The following NLRP2 variants were observed in gnomAD, a reference collection of about 807,000 sequenced individuals.
The protein encoded by NLRP2 is NACHT, LRR and PYD domains-containing protein 2.
NLRP2 carries 107 observed loss-of-function variants against 97.2 expected under a neutral mutation model. The observed-to-expected ratio is 1.10, with a 90% confidence interval of 0.94 to 1.29. NLRP2 has a LOEUF of 1.29. Among genes scored for constraint, NLRP2 ranks in the 50% most tolerant of loss-of-function variants. The probability of loss-of-function intolerance (pLI) is 0.00; values close to 1 mark genes in which losing one functional copy is unlikely to be tolerated. For missense variants in NLRP2, 1,495 were observed against 1,330.3 expected, an observed-to-expected ratio of 1.12 and a Z score of -1.93; for synonymous variants, 663 against 551.5, an observed-to-expected ratio of 1.20 and a Z score of -2.83.
At chr19:54,976,812 C>CTTT (rs530895836) in intron 3 of NLRP2, 5,285 of 326,492 alleles carry the variant, frequency 0.016, 144 homozygotes, top group East Asian at 0.046. Flanking sequence ...TGTTCTCTCT[C>CTTT]TTTTTTTTTT....
At position 54,982,605 on chromosome 19, in the gene NLRP2, G is replaced by T; in HGVS notation, c.907G>T (p.Asp303Tyr). 6 of 1,614,178 alleles carry T rather than the reference G, an allele frequency of 3.7e-6. No individual in the cohort carries two copies. The highest frequency in any genetic ancestry group is 5.1e-6 in the Non-Finnish European group (6 of 1,180,038). The stretch of plus-strand genomic sequence containing the variant: ...AGCCGCACCTGGGGCGCTGATCGAG[G>T]ACATCTGCGGGGACTGGGAGAAGAA... ...LGAAPGALIE[D>Y]ICGDWEKKKP... The change falls in exon 6 of 13, where the codon GAC (aspartate) becomes TAC (tyrosine). Residue 303 changes from aspartate (D) to tyrosine (Y), a missense_variant. Transcript: ENST00000448584.
intron 7 of NLRP2, among the ~76,000 whole-genome samples, chr19:54,985,436 G>C (rs79266329): frequency 3.3e-5 from 5 of 152,208 alleles, no homozygotes; most frequent in Non-Finnish European, 7.4e-5. Flanking sequence ...CCAACACTTC[G>C]GGAGGCCGAG....
rs1165160519 is a variant in NLRP2, at chr19:54,983,304, C to T, written c.1606C>T (p.Gln536Ter). ...DGHTWDIGDV[Q>*]KLLSGVERLR... is the part of the protein sequence containing the mutation. ...CCACACCTGGGACATTGGGGACGTA[C>T]AGAAGCTGCTTTCCGGAGTAGAAAG... The change falls in exon 6 of 13, where the codon CAG (glutamine) becomes TAG (stop). Residue 536 changes from glutamine (Q) to a stop codon, truncating the protein, a stop_gained. Coordinates refer to ENST00000448584, the MANE Select transcript of NLRP2 (RefSeq NM_017852.5). LOFTEE classifies it high-confidence loss of function. 6.2e-7 allele frequency: 1 copy of T among 1,614,180 alleles called. No individual in the cohort carries two copies. Among genetic ancestry groups the T allele is most frequent in the African/African-American group, 1.3e-5 (1 of 75,054 alleles).
chr19:54,966,315 C>T (rs1185760310), upstream of NLRP2: 3 of 151,480 alleles, frequency 2.0e-5, no homozygotes, highest in African/African-American at 7.3e-5. Context: ...CCCCAAAAGA[C>T]CTCTCAGTAA....
In NLRP2 at chr19:54,982,427, C is replaced by T. The variant is rs141157304; in HGVS notation, c.729C>T (p.Phe243=). 7.7e-5 allele frequency: 124 copies of T among 1,614,158 alleles called. 1 individual carries two copies. The African/African-American group carries it at 1.5e-3, about 20-fold the overall frequency. ...DNLIHKFKYA[F]YLSCRELSRL... is the part of the protein sequence containing the mutation. ...TCATCCACAAATTCAAATATGCGTTCTACCTCAGCTGCAGGGAGCTCAGCC... is the reference window on the plus strand; with the variant it reads ...TCATCCACAAATTCAAATATGCGTTTTACCTCAGCTGCAGGGAGCTCAGCC... The change falls in exon 6 of 13, where the codon TTC becomes TTT. Residue 243 remains phenylalanine, a synonymous_variant. Coordinates refer to ENST00000448584, the MANE Select transcript of NLRP2 (RefSeq NM_017852.5).
intron 11 of NLRP2, among the ~76,000 whole-genome samples, chr19:54,996,037 C>CAAAAAAAAAAAAAAAAAAAAAA (rs544759995): frequency 2.7e-5 from 2 of 73,334 alleles, no homozygotes; most frequent in African/African-American, 5.5e-5. Context: ...GATCCTGTCT[C>CAAAAAAAAAAAAAAAAAAAAAA]AAAAAAAAAA....
chr19:54,989,748 C>T, intron 8 of NLRP2: 2 of 541,996 alleles, frequency 3.7e-6, no homozygotes, highest in East Asian at 3.3e-5. Flanking sequence ...CTCTGGGAGG[C>T]CGAGGTGGGC....
At chr19:55,000,063 A>G (rs2073090350) in intron 12 of NLRP2, among the ~76,000 whole-genome samples, 1 of 151,916 alleles carries the variant, frequency 6.6e-6, no homozygotes, top group Non-Finnish European at 1.5e-5. Context: ...AATAAAAAAT[A>G]AGCAAATCAA....
At chr19:54,995,384 G>A (rs915069098) in intron 11 of NLRP2, among the ~76,000 whole-genome samples, 34 of 151,536 alleles carry the variant, frequency 2.2e-4, no homozygotes, top group Non-Finnish European at 7.4e-5. Context: ...TATAGACGGG[G>A]TTTCTCCATG....
At chr19:54,999,408 A>C (rs1403427988) in intron 12 of NLRP2, among the ~76,000 whole-genome samples, 1 of 152,088 alleles carries the variant, frequency 6.6e-6, no homozygotes, top group African/African-American at 2.4e-5. Flanking sequence ...CAGCCTCCCA[A>C]AGTGCTAAGA....
intron 11 of NLRP2, among the ~76,000 whole-genome samples, chr19:54,995,852 G>T (rs1169247226): frequency 6.6e-6 from 1 of 151,774 alleles, no homozygotes; most frequent in Non-Finnish European, 1.5e-5. Flanking sequence ...AAACAGCCTG[G>T]CCAACACAAT....
intron 4 of NLRP2, among the ~76,000 whole-genome samples, chr19:54,980,485 C>T (rs1383849176): frequency 1.3e-5 from 2 of 152,118 alleles, no homozygotes; most frequent in Non-Finnish European, 2.9e-5. Context: ...TGAGCCACCG[C>T]GCCCAGCCGC....
At chr19:54,980,880 T>C (rs934975898) in intron 4 of NLRP2, among the ~76,000 whole-genome samples, 1 of 151,940 alleles carries the variant, frequency 6.6e-6, no homozygotes, top group Admixed American at 6.6e-5. Flanking sequence ...GAGGCTGAGG[T>C]GGGTGGATCA....
At chr19:54,994,888 C>T (rs1177026566) in intron 11 of NLRP2, among the ~76,000 whole-genome samples, 1 of 150,930 alleles carries the variant, frequency 6.6e-6, no homozygotes, top group Non-Finnish European at 1.5e-5. Flanking sequence ...GGATTACAGG[C>T]GTGAGCCACT....
At chr19:54,990,897 C>G in intron 10 of NLRP2, 1 of 556,648 alleles carries the variant, frequency 1.8e-6, no homozygotes, top group Non-Finnish European at 3.2e-6. Context: ...AGCTGGTTTT[C>G]GGGTTTTTTT....
chr19:54,986,949 A>G (rs145982320), intron 8 of NLRP2, among the ~76,000 whole-genome samples: 3,788 of 151,644 alleles, frequency 0.025, 45 homozygotes, highest in Non-Finnish European at 0.029. Context: ...CGTTGGTATG[A>G]TCTCAGGTCA....
At chr19:54,981,135 C>T (rs1166319655) in intron 4 of NLRP2, among the ~76,000 whole-genome samples, 2 of 152,036 alleles carry the variant, frequency 1.3e-5, no homozygotes, top group Non-Finnish European at 2.9e-5. Flanking sequence ...GACCTGTTTC[C>T]TCTTGTTTGT....
At chr19:54,995,707 G>A (rs981700143) in intron 11 of NLRP2, among the ~76,000 whole-genome samples, 1 of 152,078 alleles carries the variant, frequency 6.6e-6, no homozygotes, top group African/African-American at 2.4e-5. Flanking sequence ...ACAATCAGAT[G>A]CACTTGAACC....
At chr19:54,978,479 C>T (rs1401322973) in intron 4 of NLRP2, among the ~76,000 whole-genome samples, 1 of 152,072 alleles carries the variant, frequency 6.6e-6, no homozygotes, top group Non-Finnish European at 1.5e-5. Context: ...CTCAAGAGAT[C>T]TGCTCCACCC....
Sources: gnomAD v4.1 joint callset for allele counts (sites outside exome capture counted in the v4.1 genomes callset) on GRCh38, gnomAD v4.1.1 for gene constraint, MANE v1.5 for transcripts, NCBI Gene and HGNC (gene_info 2026-07-23, HGNC 2026-07-21) for gene names.